DYNC2I2: variants seen among roughly 807,000 people sequenced by gnomAD.
DYNC2I2 encodes the protein dynein 2 intermediate chain 2, also known as cytoplasmic dynein 2 intermediate chain 2.
DYNC2I2 carries 39 observed loss-of-function variants against 52.0 expected under a neutral mutation model. The observed-to-expected ratio is 0.75, with a 90% CI of 0.58 to 0.98. DYNC2I2 has a LOEUF of 0.98. Among genes scored for constraint, DYNC2I2 ranks in the 50% least tolerant of loss-of-function variants. The pLI is 0.00. For synonymous variants in DYNC2I2, 359 were observed against 321.1 expected (o/e 1.12, Z -1.26); for missense variants, 743 against 728.4 (o/e 1.02, Z -0.23).
Position 128,636,402 on chromosome 9 carries a change from G to C in DYNC2I2, c.582C>G (p.Phe194Leu). 2 of 1,610,158 alleles carry C rather than the reference G, an allele frequency of 1.2e-6. No individual in the cohort carries two copies. The highest frequency in any genetic ancestry group is 1.7e-6 in the Non-Finnish European group (2 of 1,179,030). The stretch of plus-strand genomic sequence containing the variant: ...GCCGGTCCAGGTTCCAGGCACACAC[G>C]AAGGACTTAAGCGTGCTCCAGTCCC... ...DHGDWSTLKS[F>L]VCAWNLDRRD... The change falls in exon 4 of 9, where the codon TTC becomes TTG. Residue 194 changes from phenylalanine (F) to leucine (L), a missense_variant. Coordinates refer to ENST00000372715, the MANE Select transcript of DYNC2I2 (RefSeq NM_052844.4).
At chr9:128,652,499 T>C (rs555933106) in intron 1 of DYNC2I2, among the ~76,000 whole-genome samples, 1 of 149,436 alleles carries the variant, frequency 6.7e-6, no homozygotes, top group Admixed American at 6.6e-5. Flanking sequence ...GGTACACACC[T>C]GTACTCCTAG....
the DYNC2I2 span, among the ~76,000 whole-genome samples, chr9:128,668,232 T>A: frequency 2.8e-4 from 43 of 150,938 alleles, no homozygotes; most frequent in South Asian, 8.8e-3. Context: ...GTGCTGGGAT[T>A]ACAGGCGTGA....
the DYNC2I2 span, chr9:128,684,035 A>C: frequency 6.7e-7 from 1 of 1,491,442 alleles, no homozygotes. Context: ...GTTTTATTGG[A>C]GATTTAAGGG....
At chr9:128,655,334 C>CCAAAAAAAAAAA (rs1295602226) in intron 1 of DYNC2I2, among the ~76,000 whole-genome samples, 1 of 2,366 alleles carries the variant, frequency 4.2e-4, no homozygotes, top group African/African-American at 6.0e-4. Context: ...CCCGTCTCTA[C>CCAAAAAAAAAAA]TAAAAAAAAA....
At chr9:128,676,999 C>T in the DYNC2I2 span, among the ~76,000 whole-genome samples, 1 of 152,098 alleles carries the variant, frequency 6.6e-6, no homozygotes, top group Non-Finnish European at 1.5e-5. Flanking sequence ...CAGGCGCCTG[C>T]CACCACGGCC....
chr9:128,656,694 G>T lies in DYNC2I2; in HGVS notation c.33C>A (p.Ser11Arg). 6.7e-7 allele frequency: 1 copy of T among 1,482,526 alleles called. No individual in the cohort carries two copies. 91.8% of individuals were successfully genotyped at this position (1,482,526 alleles called of 1,614,324 possible). The part of the protein sequence containing the change: MATRAQPGPL[S>R]QAGSAGVAAL... ...CCGCAACACCAGCGCTTCCCGCCTG[G>T]CTGAGTGGCCCCGGCTGCGCGCGGG... The change falls in exon 1 of 9, where the codon AGC becomes AGA. Residue 11 changes from serine (S) to arginine (R), a missense_variant. Physicochemically the swap from Ser to Arg is moderately radical, Grantham distance 110 (BLOSUM62 -1). Transcript: ENST00000372715.
chr9:128,640,331 G>A (rs1860489367), intron 2 of DYNC2I2, among the ~76,000 whole-genome samples: 1 of 152,180 alleles, frequency 6.6e-6, no homozygotes, highest in South Asian at 2.1e-4. Flanking sequence ...CTTAAACTGT[G>A]CCTGGCCCAA....
the DYNC2I2 span, among the ~76,000 whole-genome samples, chr9:128,665,948 G>C: frequency 6.6e-6 from 1 of 150,702 alleles, no homozygotes. Flanking sequence ...GGTGGCGGGC[G>C]CCTGTAGTCC....
chr9:128,676,631 A>T, the DYNC2I2 span, among the ~76,000 whole-genome samples: 6 of 151,700 alleles, frequency 4.0e-5, no homozygotes. Context: ...TCCTAGGTTC[A>T]AGTGACTCTC....
rs753442325 is a variant in DYNC2I2, at chr9:128,639,427, A to C, written c.435+1264T>G. ...AAATAAAAAAAAAAGAAAAAGACAA[A>C]AGCTCCCTCATCTCAAACCCAATAC... On this transcript the variant is annotated intron_variant, in intron 2 of 8. Transcript: ENST00000372715. Among the ~76,000 whole-genome samples the C allele has an allele frequency of 4.4e-4, 66 of 151,602 alleles. 1 individual carries two copies. Among genetic ancestry groups the C allele is most frequent in the Non-Finnish European group, 5.2e-4 (35 of 67,882 alleles).
the DYNC2I2 span, among the ~76,000 whole-genome samples, chr9:128,664,124 A>AT: frequency 1.8e-4 from 27 of 150,604 alleles, no homozygotes; most frequent in African/African-American, 4.9e-4. Context: ...CACCTGGCTA[A>AT]TTTTTTTTTG....
At chr9:128,634,006 G>C (rs755147540) in intron 8 of DYNC2I2, 24 bp from the exon 9 acceptor site, 1 of 1,611,740 alleles carries the variant, frequency 6.2e-7, no homozygotes, top group East Asian at 2.2e-5. Context: ...CAGATACGTG[G>C]AGTAAGAGAA....
chr9:128,648,368 T>C (rs1430561259), intron 1 of DYNC2I2, among the ~76,000 whole-genome samples: 5 of 151,812 alleles, frequency 3.3e-5, no homozygotes, highest in East Asian at 1.9e-4. Context: ...GATCGCGCCA[T>C]TGCACTCCAG....
intron 1 of DYNC2I2, among the ~76,000 whole-genome samples, chr9:128,648,156 C>A (rs1323356805): frequency 6.6e-6 from 1 of 152,152 alleles, no homozygotes; most frequent in Non-Finnish European, 1.5e-5. Context: ...CACCTGTAAC[C>A]TTAGCACTTT....
At chr9:128,681,896 A>G in the DYNC2I2 span, among the ~76,000 whole-genome samples, 1 of 152,128 alleles carries the variant, frequency 6.6e-6, no homozygotes, top group African/African-American at 2.4e-5. Context: ...AACGTGGTGA[A>G]AACCCATCTC....
chr9:128,653,295 T>C (rs558682037), intron 1 of DYNC2I2, among the ~76,000 whole-genome samples: 1 of 150,970 alleles, frequency 6.6e-6, no homozygotes, highest in South Asian at 2.1e-4. Context: ...TATCTATACC[T>C]TGGGAGGCCG....
In DYNC2I2 at chr9:128,636,383, C is replaced by T. The variant is rs768185106; in HGVS notation, c.601G>A (p.Asp201Asn). 4 of 1,610,520 alleles carry T rather than the reference C, an allele frequency of 2.5e-6. No individual in the cohort carries two copies. The South Asian group carries it at 4.4e-5, about 18-fold the overall frequency. Residue 201 changes from aspartate (D) to asparagine (N), a missense_variant, in exon 4 of 9, where the codon GAC (aspartate) becomes AAC (asparagine). Asp to Asn is a conservative substitution (Grantham distance 23). Transcript: ENST00000372715. The part of the protein sequence containing the change: ...LKSFVCAWNL[D>N]RRDLRPQQPS... Reference sequence around the variant, plus strand: ...TGCTGGGGACGCAGGTCTCGCCGGTCCAGGTTCCAGGCACACACGAAGGAC... The same window carrying T: ...TGCTGGGGACGCAGGTCTCGCCGGTTCAGGTTCCAGGCACACACGAAGGAC...
At chr9:128,683,462 G>A in the DYNC2I2 span, 1 of 228,378 alleles carries the variant, frequency 4.4e-6, no homozygotes, top group African/African-American at 2.3e-5. Context: ...GCAACAGCAC[G>A]TGTTTAAATC....
the DYNC2I2 span, among the ~76,000 whole-genome samples, chr9:128,682,337 C>G: frequency 1.3e-5 from 2 of 151,868 alleles, no homozygotes; most frequent in East Asian, 4.0e-4. Context: ...CATGAGCCAC[C>G]GCACCTGGCC....
Sources: gnomAD v4.1 joint callset for allele counts (sites outside exome capture counted in the v4.1 genomes callset) on GRCh38, gnomAD v4.1.1 for gene constraint, MANE v1.5 for transcripts, NCBI Gene and HGNC (gene_info 2026-07-23, HGNC 2026-07-21) for gene names.